CTDSPL2: variants seen among roughly 807,000 people sequenced by gnomAD.
The protein encoded by CTDSPL2 is CTD small phosphatase-like protein 2.
A neutral mutation model predicts 60.0 loss-of-function variants in CTDSPL2; 5 were observed. The observed-to-expected ratio is 0.08, with a 90% CI of 0.04 to 0.18. The LOEUF (loss-of-function observed/expected upper bound fraction) is 0.18, where lower values mean the gene tolerates loss of function less well. Ranked by LOEUF, CTDSPL2 falls within the 10% of genes least tolerant of loss-of-function variation. The probability of loss-of-function intolerance (pLI) is 1.00; values close to 1 mark genes in which losing one functional copy is unlikely to be tolerated. For synonymous variants in CTDSPL2, 186 were observed against 189.3 expected (o/e 0.98, Z 0.14); for missense variants, 370 against 548.8 (o/e 0.67, Z 3.26).
rs189946603 is a variant in CTDSPL2 at position 44,443,727 on chromosome 15, G to A, written c.-24-15264G>A. Among the ~76,000 whole-genome samples, 323 of 152,116 alleles carry A rather than the reference G, an allele frequency of 2.1e-3. 2 individuals carry two copies. Among genetic ancestry groups the A allele is most frequent in the African/African-American group, 7.5e-3 (312 of 41,488 alleles). ...ATTTGTATATCCTCTTTGGAGAAAA[G>A]CCTATTCAAGTCCTTTGCACATTTT... On this transcript the variant is annotated intron_variant, in intron 1 of 12. Coordinates refer to ENST00000260327, the MANE Select transcript of CTDSPL2 (RefSeq NM_016396.3).
intron 1 of CTDSPL2, among the ~76,000 whole-genome samples, chr15:44,434,089 TA>T (rs200476779): frequency 1.5e-4 from 23 of 151,996 alleles, no homozygotes; most frequent in African/African-American, 5.1e-4. Context: ...TTTATTTATT[TA>T]TTTATTTTTT....
chr15:44,482,590 T>C (rs1273985666), intron 2 of CTDSPL2, among the ~76,000 whole-genome samples: 2 of 152,214 alleles, frequency 1.3e-5, no homozygotes, highest in Non-Finnish European at 2.9e-5. Context: ...GAAGATTCCA[T>C]GTTTGTGATA....
intron 2 of CTDSPL2, among the ~76,000 whole-genome samples, chr15:44,483,668 C>G (rs912663054): frequency 6.6e-6 from 1 of 152,184 alleles, no homozygotes; most frequent in African/African-American, 2.4e-5. Flanking sequence ...GTCATGGGGA[C>G]TTGCCCCATA....
chr15:44,465,122 G>A (rs2080659166), intron 2 of CTDSPL2, among the ~76,000 whole-genome samples: 1 of 152,184 alleles, frequency 6.6e-6, no homozygotes, highest in Non-Finnish European at 1.5e-5. Context: ...CAGTGTGAAT[G>A]AAATCTTTGG....
At chr15:44,476,776 G>A (rs912043366) in intron 2 of CTDSPL2, among the ~76,000 whole-genome samples, 4 of 152,182 alleles carry the variant, frequency 2.6e-5, no homozygotes, top group African/African-American at 7.2e-5. Flanking sequence ...AATTGCTAAA[G>A]ATGCTTTTCT....
chr15:44,454,118 C>G (rs148685516), intron 1 of CTDSPL2, among the ~76,000 whole-genome samples: 2 of 152,352 alleles, frequency 1.3e-5, no homozygotes, highest in Admixed American at 1.3e-4. Flanking sequence ...GATCGCCATT[C>G]TAACTGGTGT....
intron 4 of CTDSPL2, among the ~76,000 whole-genome samples, chr15:44,487,628 G>C (rs116602811): frequency 0.01 from 1,595 of 152,322 alleles, 39 homozygotes; most frequent in African/African-American, 0.037. Flanking sequence ...AAACAGCATA[G>C]TGTATTTGAG....
In CTDSPL2 at chr15:44,526,475, TC is replaced by T. The variant is rs2081875905; in HGVS notation, c.*2303del. On this transcript the variant is annotated 3_prime_UTR_variant, in exon 13 of 13. Transcript: ENST00000260327. ...GTTTTCAGTCCCACACTAGGAGAGT[TC>T]CTTTAAGTCAGCTGATCAAGCATAA... is the stretch of plus-strand genomic sequence containing the variant. 1 of 152,150 alleles carries T rather than the reference TC, an allele frequency of 6.6e-6. No homozygotes were observed. The highest frequency in any genetic ancestry group is 6.5e-5 in the Admixed American group (1 of 15,272). The allele number at this position is 152,150 out of a possible 1,614,324, so 9.4% of individuals were successfully genotyped here.
At chr15:44,488,272 G>A (rs951324555) in intron 4 of CTDSPL2, among the ~76,000 whole-genome samples, 1 of 152,172 alleles carries the variant, frequency 6.6e-6, no homozygotes, top group Non-Finnish European at 1.5e-5. Flanking sequence ...CCATAGGCAG[G>A]TAGAACAATT....
At chr15:44,483,399 A>T (rs930614054) in intron 2 of CTDSPL2, among the ~76,000 whole-genome samples, 1 of 135,370 alleles carries the variant, frequency 7.4e-6, no homozygotes, top group Admixed American at 7.3e-5. Flanking sequence ...TTAGCTGGGC[A>T]TGGTGGTGGG....
At chr15:44,475,029 A>G (rs2080887692) in intron 2 of CTDSPL2, among the ~76,000 whole-genome samples, 1 of 152,188 alleles carries the variant, frequency 6.6e-6, no homozygotes. Flanking sequence ...TTTGTTTGTT[A>G]CCATGCATTC....
At chr15:44,435,739 T>C (rs1312174967) in intron 1 of CTDSPL2, among the ~76,000 whole-genome samples, 1 of 151,144 alleles carries the variant, frequency 6.6e-6, no homozygotes, top group East Asian at 2.0e-4. Context: ...CTTGAGTAGC[T>C]GGGATTACAG....
intron 11 of CTDSPL2, chr15:44,519,774 G>A (rs889018987): frequency 6.7e-6 from 1 of 149,170 alleles, no homozygotes; most frequent in Non-Finnish European, 1.5e-5. Flanking sequence ...GTTTTTTTTT[G>A]TTTTTGTTTT....
chr15:44,468,352 A>G (rs538659121), intron 2 of CTDSPL2, among the ~76,000 whole-genome samples: 1 of 152,330 alleles, frequency 6.6e-6, no homozygotes, highest in African/African-American at 2.4e-5. Context: ...AATACTGTCT[A>G]TAGAATTTGT....
chr15:44,521,481 T>G, intron 12 of CTDSPL2, 75 bp downstream of exon 12: 1 of 839,086 alleles, frequency 1.2e-6, no homozygotes, highest in Non-Finnish European at 1.9e-6. Flanking sequence ...TTAAATGTCT[T>G]TGCTTTGTGT....
At chr15:44,454,273 AGTT>A (rs1483122402) in intron 1 of CTDSPL2, among the ~76,000 whole-genome samples, 1 of 151,284 alleles carries the variant, frequency 6.6e-6, no homozygotes, top group African/African-American at 2.4e-5. Flanking sequence ...TTTTTGATGG[AGTT>A]GTTTTTTTCT....
At chr15:44,439,547 G>C (rs79085615) in intron 1 of CTDSPL2, among the ~76,000 whole-genome samples, 2 of 151,150 alleles carry the variant, frequency 1.3e-5, no homozygotes, top group East Asian at 1.9e-4. Context: ...TTTTTTTGGG[G>C]GGGGGGGAAT....
chr15:44,471,055 A>G (rs116812398), intron 2 of CTDSPL2, among the ~76,000 whole-genome samples: 1,659 of 152,312 alleles, frequency 0.011, 37 homozygotes, highest in African/African-American at 0.038. Flanking sequence ...ATCACCTGAG[A>G]CAACCACTGA....
chr15:44,490,665 A>G, intron 4 of CTDSPL2, 119 bp from the exon 5 acceptor site: 1 of 718,722 alleles, frequency 1.4e-6, no homozygotes. Context: ...CAATATACTC[A>G]GCTTTGTTCC....
Sources: gnomAD v4.1 joint callset for allele counts (sites outside exome capture counted in the v4.1 genomes callset) on GRCh38, gnomAD v4.1.1 for gene constraint, MANE v1.5 for transcripts, NCBI Gene and HGNC (gene_info 2026-07-23, HGNC 2026-07-21) for gene names.